PKM: variants seen among roughly 807,000 people sequenced by gnomAD.
PKM encodes the protein pyruvate kinase PKM.
PKM carries 18 observed loss-of-function variants against 49.8 expected under a neutral mutation model. That is an observed-to-expected ratio of 0.36 (90% confidence interval 0.25 to 0.54). The LOEUF is 0.54. Ranked by LOEUF, PKM falls within the 20% of genes least tolerant of loss-of-function variation. The pLI is 0.89. For synonymous variants in PKM, 239 were observed against 261.8 expected (o/e 0.91, Z 0.84); for missense variants, 508 against 713.8 (o/e 0.71, Z 3.28).
intron 8 of PKM, chr15:72,203,801 G>A (rs2082004779): frequency 1.3e-5 from 2 of 155,354 alleles, no homozygotes. Context: ...ACTTGTGAGA[G>A]GCACACTGAA....
intron 1 of PKM, among the ~76,000 whole-genome samples, chr15:72,220,659 T>A (rs1005861637): frequency 6.6e-6 from 1 of 152,186 alleles, no homozygotes; most frequent in Non-Finnish European, 1.5e-5. Flanking sequence ...AAAAAATCAA[T>A]CCTCCCTTCC....
intron 1 of PKM, among the ~76,000 whole-genome samples, chr15:72,227,579 A>G (rs1305703711): frequency 6.6e-6 from 1 of 151,944 alleles, no homozygotes; most frequent in African/African-American, 2.4e-5. Flanking sequence ...CCCCATCTCT[A>G]CTAAAAATAC....
intron 2 of PKM, among the ~76,000 whole-genome samples, chr15:72,218,393 C>G (rs796125190): frequency 1.5e-4 from 23 of 152,188 alleles, no homozygotes; most frequent in African/African-American, 5.5e-4. Context: ...TCCCGAAGTG[C>G]TGGATTACAG....
At chr15:72,222,835 G>A (rs2082561091) in intron 1 of PKM, among the ~76,000 whole-genome samples, 3 of 152,066 alleles carry the variant, frequency 2.0e-5, no homozygotes, top group African/African-American at 7.2e-5. Flanking sequence ...GTGACAGGTT[G>A]GAACAGGCAC....
intron 3 of PKM, among the ~76,000 whole-genome samples, chr15:72,211,998 G>T (rs995412432): frequency 6.6e-6 from 1 of 152,148 alleles, no homozygotes; most frequent in Non-Finnish European, 1.5e-5. Context: ...AGGCTGGAGG[G>T]AGCTGGAGCC....
chr15:72,228,779 A>G (rs2082759849), intron 1 of PKM: 1 of 402,332 alleles, frequency 2.5e-6, no homozygotes. Flanking sequence ...CCTGACCTCC[A>G]TCTCCTCTGT....
chr15:72,228,649 C>T (rs1371271277), intron 1 of PKM: 1 of 1,285,182 alleles, frequency 7.8e-7, no homozygotes, highest in Admixed American at 2.3e-5. Context: ...GCCCCACTCC[C>T]CCACAGATTT....
At chr15:72,219,132 G>C (rs377372537) in intron 1 of PKM, 22 bp from the exon 2 acceptor site, 1 of 1,606,762 alleles carries the variant, frequency 6.2e-7, no homozygotes, top group Non-Finnish European at 8.5e-7. Context: ...CAAATTGAAA[G>C]AGAGTGGTAA....
intron 2 of PKM, 98 bp from the exon 3 acceptor site, chr15:72,217,598 T>C (rs1022250077): frequency 3.7e-6 from 3 of 804,538 alleles, no homozygotes; most frequent in Non-Finnish European, 6.3e-6. Flanking sequence ...CCCTGAAAAC[T>C]TTTCCTCTCC....
At chr15:72,231,316 G>T (rs1270011130), upstream of PKM, 3 of 156,878 alleles carry the variant, frequency 1.9e-5, no homozygotes, top group African/African-American at 7.2e-5. Context: ...CCCCGCGGGC[G>T]CAGTCACCTT....
intron 6 of PKM, among the ~76,000 whole-genome samples, chr15:72,207,848 C>T (rs1420588729): frequency 6.6e-6 from 1 of 152,266 alleles, no homozygotes; most frequent in Non-Finnish European, 1.5e-5. Flanking sequence ...AGGATATCTA[C>T]ACAAAGCTCA....
In PKM at chr15:72,219,102, G is replaced by A. The variant is rs755327399; in HGVS notation, c.-5C>T. On this transcript the variant is annotated 5_prime_UTR_variant, in exon 2 of 11. Coordinates refer to ENST00000335181, the MANE Select transcript of PKM (RefSeq NM_002654.6). ...TTCACTATGGGGCTTCGACATGGCT[G>A]CTGAGGTCCTGGGTCGAGACAAATT... is the stretch of plus-strand genomic sequence containing the variant. The A allele has an allele frequency of 1.9e-6, 3 of 1,612,990 alleles. No homozygotes were observed. Among genetic ancestry groups the A allele is most frequent in the South Asian group, 1.1e-5 (1 of 91,062 alleles).
At chr15:72,205,384 A>G (rs1036547390) in intron 8 of PKM, among the ~76,000 whole-genome samples, 1 of 152,174 alleles carries the variant, frequency 6.6e-6, no homozygotes, top group Non-Finnish European at 1.5e-5. Flanking sequence ...CTCCCAAAGT[A>G]CTGAGATTAC....
chr15:72,200,645 G>T lies in PKM; in HGVS notation c.1318C>A (p.Gln440Lys). 1 of 1,612,464 alleles carries T rather than the reference G, an allele frequency of 6.2e-7. No individual in the cohort carries two copies. Among genetic ancestry groups the T allele is most frequent in the African/African-American group, 1.3e-5 (1 of 74,960 alleles). ...VLTKSGRSAHQVARYRPRAPI... is the reference protein window; with the variant it reads ...VLTKSGRSAHKVARYRPRAPI... ...GCACGTGGGCGGTATCTGGCCACCT[G>T]GTGAGCAGACCTGAGATGGGATGGG... Residue 440 changes from glutamine to lysine, a missense_variant, in exon 10 of 11, where the codon CAG becomes AAG. By Grantham distance (53) the Gln-to-Lys change is moderately conservative (BLOSUM62 1). Transcript: ENST00000335181. The surrounding 1 kb of genome is among the most constrained non-coding windows in gnomAD (Gnocchi z 4.6).
At chr15:72,208,023 T>C (rs889954129) in intron 6 of PKM, among the ~76,000 whole-genome samples, 40 of 152,240 alleles carry the variant, frequency 2.6e-4, no homozygotes, top group Admixed American at 1.4e-3. Flanking sequence ...TTTGTGAGCA[T>C]TGGGGAGGGG....
chr15:72,229,403 C>T (rs1399649752), intron 1 of PKM: 3 of 397,062 alleles, frequency 7.6e-6, no homozygotes, highest in African/African-American at 4.1e-5. Flanking sequence ...TGAGTCAAAC[C>T]TGATTCTAAA....
chr15:72,203,604 C>T, intron 8 of PKM: 1 of 283,498 alleles, frequency 3.5e-6, no homozygotes, highest in Non-Finnish European at 6.9e-6. Flanking sequence ...GTTGATTAGG[C>T]AGGCTCCTGC....
chr15:72,214,567 G>A (rs191887020), intron 3 of PKM, among the ~76,000 whole-genome samples: 12 of 152,004 alleles, frequency 7.9e-5, no homozygotes, highest in East Asian at 7.8e-4. Flanking sequence ...AGGCCAAGGC[G>A]GATGGATCAC....
intron 2 of PKM, among the ~76,000 whole-genome samples, chr15:72,218,214 T>G (rs2082422889): frequency 1.3e-5 from 2 of 152,082 alleles, no homozygotes; most frequent in Middle Eastern, 3.4e-3. Context: ...AACCTCCGCC[T>G]CCCAGGTTCA....
Sources: gnomAD v4.1 joint callset for allele counts (sites outside exome capture counted in the v4.1 genomes callset) on GRCh38, gnomAD v4.1.1 for gene constraint, Gnocchi (gnomAD v3.1) non-coding constraint, MANE v1.5 for transcripts, NCBI Gene and HGNC (gene_info 2026-07-23, HGNC 2026-07-21) for gene names.